VIRMA: variants seen among roughly 807,000 people sequenced by gnomAD.
VIRMA encodes vir like m6A methyltransferase associated.
VIRMA carries 65 observed loss-of-function variants against 182.4 expected under a neutral mutation model. The observed-to-expected ratio is 0.36, with a 90% CI of 0.29 to 0.44. The LOEUF is 0.44. Among genes scored for constraint, VIRMA ranks in the 20% least tolerant of loss-of-function variants. The pLI is 1.00. For synonymous variants in VIRMA, 709 were observed against 743.1 expected (o/e 0.95, Z 0.75); for missense variants, 1,752 against 2,158.1 (o/e 0.81, Z 3.73).
intron 1 of VIRMA, among the ~76,000 whole-genome samples, chr8:94,551,272 A>C (rs1815977702): frequency 6.6e-6 from 1 of 152,212 alleles, no homozygotes; most frequent in Non-Finnish European, 1.5e-5. Context: ...GCCTCTTCTG[A>C]AATCTTGTAT....
chr8:94,511,924 C>A (rs1814393863), intron 12 of VIRMA, 72 bp downstream of exon 12: 2 of 831,874 alleles, frequency 2.4e-6, no homozygotes, highest in South Asian at 3.4e-5. Context: ...TAATAATTAA[C>A]TAAATATTTA....
At chr8:94,529,676 G>A (rs144737475) in intron 6 of VIRMA, among the ~76,000 whole-genome samples, 4,061 of 151,774 alleles carry the variant, frequency 0.027, 195 homozygotes, top group African/African-American at 0.093. Flanking sequence ...GTCTCACTCT[G>A]TCGGCCAGGC....
chr8:94,546,743 T>G (rs1324548095), intron 1 of VIRMA: 1 of 347,976 alleles, frequency 2.9e-6, no homozygotes, highest in African/African-American at 2.3e-5. Context: ...GTCCCTAAAG[T>G]CCATTGTATC....
chr8:94,516,547 C>G (rs1814566979), intron 10 of VIRMA, among the ~76,000 whole-genome samples: 1 of 152,110 alleles, frequency 6.6e-6, no homozygotes, highest in Non-Finnish European at 1.5e-5. Flanking sequence ...GTAGCCAGGT[C>G]TTTCCTTGGT....
chr8:94,506,004 G>T (rs1415644887), intron 16 of VIRMA, among the ~76,000 whole-genome samples: 3 of 152,060 alleles, frequency 2.0e-5, no homozygotes, highest in African/African-American at 7.2e-5. Context: ...GTATTATTAG[G>T]TATTATAAGT....
chr8:94,522,824 C>A (rs566672941), intron 8 of VIRMA, among the ~76,000 whole-genome samples: 2 of 152,310 alleles, frequency 1.3e-5, no homozygotes, highest in Non-Finnish European at 2.9e-5. Context: ...TGCAATACAT[C>A]TTGCAACACA....
At position 94,526,215 on chromosome 8, in the gene VIRMA, T is replaced by C. The variant is rs1814957818; in HGVS notation, c.2021+8A>G. ...AAATTTATTTCCCAAAAGGCAAACATGTCTTACCTAAAGAGAACAGGGTAT... is the reference window on the plus strand; with the variant it reads ...AAATTTATTTCCCAAAAGGCAAACACGTCTTACCTAAAGAGAACAGGGTAT... On this transcript the variant is annotated splice_region_variant and intron_variant, in intron 8 of 23. Coordinates refer to ENST00000297591, the MANE Select transcript of VIRMA (RefSeq NM_015496.5). 1.3e-6 allele frequency: 2 copies of C among 1,557,218 alleles called. No individual in the cohort carries two copies. Among genetic ancestry groups the C allele is most frequent in the African/African-American group, 1.4e-5 (1 of 72,398 alleles).
At chr8:94,549,020 C>A (rs1815878675) in intron 1 of VIRMA, among the ~76,000 whole-genome samples, 2 of 152,192 alleles carry the variant, frequency 1.3e-5, no homozygotes, top group South Asian at 4.1e-4. Flanking sequence ...GCCTCCCAGG[C>A]TGGGGCTACA....
At chr8:94,529,041 A>C in intron 7 of VIRMA, 29 bp downstream of exon 7, 1 of 1,606,458 alleles carries the variant, frequency 6.2e-7, no homozygotes, top group Non-Finnish European at 8.5e-7. Flanking sequence ...TAGTACTTAA[A>C]CCCCAAAGTC....
At chr8:94,546,775 G>T in intron 1 of VIRMA, 1 of 366,568 alleles carries the variant, frequency 2.7e-6, no homozygotes, top group South Asian at 2.1e-5. Flanking sequence ...TTTGCATCCT[G>T]TGCTTCTTTC....
chr8:94,492,704 T>C lies in VIRMA; in HGVS notation c.4756A>G (p.Thr1586Ala). 3.7e-6 allele frequency: 6 copies of C among 1,614,066 alleles called. No individual in the cohort carries two copies. The highest frequency in any genetic ancestry group is 3.3e-5 in the South Asian group (3 of 91,082). Residue 1586 changes from threonine (T) to alanine (A), a missense_variant, in exon 21 of 24, where the codon ACT (threonine) becomes GCT (alanine). Coordinates refer to ENST00000297591, the MANE Select transcript of VIRMA (RefSeq NM_015496.5). The stretch of plus-strand genomic sequence containing the variant: ...TGCTTCCCAAGTTTGAATCCTTTAG[T>C]AGTCTTGGTTCTTCCTGGAGATGAT... ...EPSSPGRTKT[T>A]KGFKLGKHKH... is the part of the protein sequence containing the mutation.
chr8:94,550,678 C>G (rs1258819264), intron 1 of VIRMA, among the ~76,000 whole-genome samples: 1 of 151,798 alleles, frequency 6.6e-6, no homozygotes, highest in African/African-American at 2.4e-5. Context: ...CAAAAACTAC[C>G]CATTTCCTAC....
intron 1 of VIRMA, among the ~76,000 whole-genome samples, chr8:94,552,356 A>AT (rs1374208236): frequency 2.6e-5 from 4 of 152,190 alleles, no homozygotes; most frequent in African/African-American, 9.7e-5. Context: ...CATTTTAAAC[A>AT]TTTTCCATTC....
intron 8 of VIRMA, among the ~76,000 whole-genome samples, chr8:94,521,965 T>A (rs993451748): frequency 6.6e-6 from 1 of 152,192 alleles, no homozygotes; most frequent in South Asian, 2.1e-4. Context: ...TTCTGGGAAC[T>A]TAGATTTCAA....
intron 20 of VIRMA, among the ~76,000 whole-genome samples, chr8:94,493,206 G>T (rs1323958985): frequency 6.6e-6 from 1 of 152,120 alleles, no homozygotes; most frequent in Admixed American, 6.5e-5. Context: ...ATTACAAAAA[G>T]ATTCTGTGCC....
chr8:94,489,814 G>T lies in VIRMA; in HGVS notation c.5284+125C>A, dbSNP rs1044226634. 2.0e-5 allele frequency: 20 copies of T among 1,021,662 alleles called. No individual in the cohort carries two copies. The African/African-American group carries it at 2.9e-4, about 15-fold the overall frequency. 63.3% of individuals were successfully genotyped at this position (1,021,662 alleles called of 1,614,324 possible). A position where few individuals can be genotyped will look rare whatever the true frequency, so the allele number is the denominator to read the frequency against. On this transcript the variant is annotated intron_variant, in intron 23 of 23. Transcript: ENST00000297591. Reference sequence around the variant, plus strand: ...AAGTCAAAGTTATACTTAGATTTTTGACTGTGTGGAGCAAGGAGATGGGGA... The same window carrying T: ...AAGTCAAAGTTATACTTAGATTTTTTACTGTGTGGAGCAAGGAGATGGGGA...
rs931043408 is a variant in VIRMA at position 94,503,869 on chromosome 8, C to A, written c.4097+2631G>T. On this transcript the variant is annotated intron_variant, in intron 16 of 23. Transcript: ENST00000297591. ...ATGGTGACCTGTTAATTTAAAAAAA[C>A]CAAAAAAACAAAAAAAAAACAGGTT... Among the ~76,000 whole-genome samples, 7 of 149,092 alleles carry A rather than the reference C, an allele frequency of 4.7e-5. No homozygotes were observed. The South Asian group carries it at 6.4e-4, about 14-fold the overall frequency.
intron 11 of VIRMA, among the ~76,000 whole-genome samples, chr8:94,513,420 T>C (rs1186886378): frequency 7.7e-6 from 1 of 129,898 alleles, no homozygotes; most frequent in African/African-American, 3.1e-5. Context: ...TAGTAGAGTC[T>C]AGACCAAAAA....
chr8:94,538,014 T>C (rs1166348449), intron 3 of VIRMA, among the ~76,000 whole-genome samples: 2 of 152,234 alleles, frequency 1.3e-5, no homozygotes, highest in South Asian at 2.1e-4. Context: ...ATCATGTATA[T>C]AAGAAACACA....
Sources: allele counts gnomAD v4.1 joint callset (sites outside exome capture counted in the v4.1 genomes callset), GRCh38; gene constraint gnomAD v4.1.1; transcripts MANE v1.5; gene names NCBI Gene and HGNC (gene_info 2026-07-23, HGNC 2026-07-21).